Variants in ELOVL5 observed in about 807,000 individuals in gnomAD.
ELOVL5 encodes the protein very long chain fatty acid elongase 5.
ELOVL5 carries 8 observed loss-of-function variants against 38.6 expected under a neutral mutation model. That is an observed-to-expected ratio of 0.21 (90% CI 0.12 to 0.37). The LOEUF is 0.37. ELOVL5 is among the 10% of genes least tolerant of loss of function. The probability of loss-of-function intolerance (pLI) is 1.00; values close to 1 mark genes in which losing one functional copy is unlikely to be tolerated. For synonymous variants in ELOVL5, 127 were observed against 133.7 expected (o/e 0.95, Z 0.34); for missense variants, 280 against 367.8 (o/e 0.76, Z 1.95).
rs558669955 is a variant in ELOVL5 at position 53,271,055 on chromosome 6, T to C, written c.622-328A>G. Among the ~76,000 whole-genome samples the C allele has an allele frequency of 1.5e-4, 23 of 152,356 alleles. 2 individuals carry two copies. In the East Asian group the frequency reaches 4.4e-3, roughly 29 times the overall value. ...GCAAGTGTGTATGTTGAAAGGGCAC[T>C]GATAACATCACTGCAGGATGTGCCA... On this transcript the variant is annotated intron_variant, in intron 6 of 7. Transcript: ENST00000304434.
intron 3 of ELOVL5, among the ~76,000 whole-genome samples, chr6:53,289,440 C>T (rs1766691041): frequency 6.6e-6 from 1 of 152,158 alleles, no homozygotes; most frequent in Non-Finnish European, 1.5e-5. Flanking sequence ...GAAAAATGGC[C>T]GGGTGCGGTG....
chr6:53,332,583 G>A (rs13215228), intron 1 of ELOVL5, among the ~76,000 whole-genome samples: 21 of 152,188 alleles, frequency 1.4e-4, no homozygotes, highest in Admixed American at 1.3e-4. Flanking sequence ...GAAAAGAGGC[G>A]GAGAGAGAAT....
chr6:53,320,510 T>C (rs929274054), intron 1 of ELOVL5, among the ~76,000 whole-genome samples: 2 of 152,070 alleles, frequency 1.3e-5, no homozygotes, highest in African/African-American at 2.4e-5. Context: ...TAATTTTTTG[T>C]ATTTTTAGTA....
chr6:53,294,432 G>A (rs1327929040), intron 2 of ELOVL5: 4 of 1,550,694 alleles, frequency 2.6e-6, no homozygotes, highest in Middle Eastern at 1.7e-4. Flanking sequence ...TGGAGCTGCT[G>A]TAGCCATCCT....
At chr6:53,284,068 G>A (rs1361528316) in intron 3 of ELOVL5, among the ~76,000 whole-genome samples, 1 of 151,886 alleles carries the variant, frequency 6.6e-6, no homozygotes, top group Non-Finnish European at 1.5e-5. Flanking sequence ...TGCTTTGGGA[G>A]GCCAGGGTGG....
At chr6:53,269,412 T>G in intron 7 of ELOVL5, 142 bp from the exon 8 acceptor site, 1 of 543,940 alleles carries the variant, frequency 1.8e-6, no homozygotes, top group South Asian at 5.0e-5. Context: ...CAAGTCCTCA[T>G]TGACTAAATC....
intron 1 of ELOVL5, among the ~76,000 whole-genome samples, chr6:53,328,391 G>A (rs943221984): frequency 6.6e-6 from 1 of 151,986 alleles, no homozygotes; most frequent in African/African-American, 2.4e-5. Context: ...AAGAATCTGA[G>A]GTTATAAAAA....
At chr6:53,290,682 C>T (rs1581937942) in intron 3 of ELOVL5, 1 of 152,644 alleles carries the variant, frequency 6.6e-6, no homozygotes, top group East Asian at 1.9e-4. Context: ...GAACAAGACA[C>T]AGATATCCCA....
In ELOVL5 at chr6:53,317,374, G is replaced by C. The variant is rs529794711; in HGVS notation, c.-8-21667C>G. ...GTTTATTGTGGCACTATTCACGATA[G>C]CAAAGACCTGGAACCAACCCAAATG... is the stretch of plus-strand genomic sequence containing the variant. On this transcript the variant is annotated intron_variant, in intron 1 of 7. Coordinates refer to ENST00000304434, the MANE Select transcript of ELOVL5 (RefSeq NM_021814.5). Among the ~76,000 whole-genome samples the C allele has an allele frequency of 1.6e-4, 25 of 152,292 alleles. 1 individual carries two copies. In the South Asian group the frequency reaches 5.2e-3, roughly 32 times the overall value.
chr6:53,276,142 A>G (rs748455305), intron 4 of ELOVL5, 37 bp downstream of exon 4: 2 of 1,420,044 alleles, frequency 1.4e-6, no homozygotes, highest in Non-Finnish European at 2.0e-6. Context: ...AAAACTCAAC[A>G]CTTATAATAA....
intron 4 of ELOVL5, 93 bp downstream of exon 4, chr6:53,276,086 G>A (rs1472293781): frequency 1.3e-6 from 1 of 778,742 alleles, no homozygotes; most frequent in African/African-American, 1.8e-5. Flanking sequence ...GATTGCCTGG[G>A]CAGTGAGGTT....
At position 53,291,788 on chromosome 6, in the gene ELOVL5, A is replaced by G; in HGVS notation, c.234T>C (p.Tyr78=). The change falls in exon 3 of 8, where the codon TAT becomes TAC. Residue 78 remains tyrosine, a synonymous_variant. Coordinates refer to ENST00000304434, the MANE Select transcript of ELOVL5 (RefSeq NM_021814.5). ...YNLGLTLLSL[Y]MFCELVTGVW... is the part of the protein sequence containing the mutation. The stretch of plus-strand genomic sequence containing the variant: ...ACCTTTGACTTACCTCACAGAACAT[A>G]TACAGAGACAGCAGTGTGAGTCCAA... 6.2e-7 allele frequency: 1 copy of G among 1,612,292 alleles called. No homozygotes were observed. Among genetic ancestry groups the G allele is most frequent in the Non-Finnish European group, 8.5e-7 (1 of 1,179,254 alleles).
chr6:53,326,969 G>C (rs533581598), intron 1 of ELOVL5, among the ~76,000 whole-genome samples: 3 of 152,312 alleles, frequency 2.0e-5, no homozygotes, highest in African/African-American at 7.2e-5. Flanking sequence ...TCCACCACTA[G>C]TGCAGCAGAC....
intron 3 of ELOVL5, among the ~76,000 whole-genome samples, chr6:53,279,741 T>C (rs1425790140): frequency 6.6e-6 from 1 of 152,226 alleles, no homozygotes; most frequent in East Asian, 1.9e-4. Context: ...CTCTTCATCA[T>C]CAATTTCATA....
intron 1 of ELOVL5, among the ~76,000 whole-genome samples, chr6:53,295,998 T>C (rs550447526): frequency 6.6e-6 from 1 of 151,948 alleles, no homozygotes; most frequent in Non-Finnish European, 1.5e-5. Flanking sequence ...GAAATCTCAG[T>C]GGGGAAAAAA....
Position 53,337,696 on chromosome 6 carries a change from A to G in ELOVL5, c.-9+11121T>C, listed in dbSNP as rs997114748. Among the ~76,000 whole-genome samples the G allele has an allele frequency of 5.3e-5, 8 of 152,258 alleles. No homozygotes were observed. In the East Asian group the frequency reaches 1.5e-3, roughly 29 times the overall value. The stretch of plus-strand genomic sequence containing the variant: ...TATGTGCCAGATAAACATGGCAGAC[A>G]CTATGCAAAGCACTATACAGGTACA... On this transcript the variant is annotated intron_variant, in intron 1 of 7. Coordinates refer to ENST00000304434, the MANE Select transcript of ELOVL5 (RefSeq NM_021814.5).
At chr6:53,301,117 T>A (rs1481717407) in intron 1 of ELOVL5, among the ~76,000 whole-genome samples, 1 of 152,158 alleles carries the variant, frequency 6.6e-6, no homozygotes. Context: ...TATGCAAAAG[T>A]CTTGACACTT....
At chr6:53,339,253 T>C (rs1769216450) in intron 1 of ELOVL5, among the ~76,000 whole-genome samples, 1 of 152,236 alleles carries the variant, frequency 6.6e-6, no homozygotes, top group Admixed American at 6.5e-5. Context: ...TCAGATTCCA[T>C]GTGAATATAT....
At chr6:53,288,004 A>C in intron 3 of ELOVL5, 1 of 1,360,330 alleles carries the variant, frequency 7.4e-7, no homozygotes, top group Non-Finnish European at 1.0e-6. Context: ...GCACAGCAGG[A>C]GAAGAGTAGA....
Sources: gnomAD v4.1 joint callset for allele counts (sites outside exome capture counted in the v4.1 genomes callset) on GRCh38, gnomAD v4.1.1 for gene constraint, MANE v1.5 for transcripts, NCBI Gene and HGNC (gene_info 2026-07-23, HGNC 2026-07-21) for gene names.